MAGI1: variants seen among roughly 807,000 people sequenced by gnomAD.
The protein encoded by MAGI1 is membrane-associated guanylate kinase, WW and PDZ domain-containing protein 1.
Under a neutral mutation model 139.9 loss-of-function variants are expected in MAGI1, and 58 were observed. The ratio of observed to expected loss-of-function variants is 0.41; its 90% CI spans 0.34 to 0.52. The LOEUF is 0.52. Among genes scored for constraint, MAGI1 ranks in the 20% least tolerant of loss-of-function variants. The pLI is 0.12. For synonymous variants in MAGI1, 812 were observed against 737.9 expected (o/e 1.10, Z -1.63); for missense variants, 1,874 against 1,901.6 (o/e 0.99, Z 0.27).
At chr3:65,369,079 T>G (rs1189150934) in intron 18 of MAGI1, among the ~76,000 whole-genome samples, 1 of 152,166 alleles carries the variant, frequency 6.6e-6, no homozygotes, top group Non-Finnish European at 1.5e-5. Flanking sequence ...CATTGTGTAT[T>G]TATTCATTCA....
chr3:65,803,955 A>G (rs2040678175), intron 1 of MAGI1, among the ~76,000 whole-genome samples: 1 of 152,234 alleles, frequency 6.6e-6, no homozygotes, highest in East Asian at 1.9e-4. Context: ...AAAAATTGTA[A>G]CCAAGATTCA....
chr3:65,821,094 A>G (rs1357681126), intron 1 of MAGI1, among the ~76,000 whole-genome samples: 1 of 151,934 alleles, frequency 6.6e-6, no homozygotes, highest in Non-Finnish European at 1.5e-5. Context: ...TTGGGGGAAG[A>G]CAGGTGCATG....
At chr3:65,850,267 G>C (rs573794112) in intron 1 of MAGI1, among the ~76,000 whole-genome samples, 1 of 152,216 alleles carries the variant, frequency 6.6e-6, no homozygotes, top group South Asian at 2.1e-4. Flanking sequence ...ATACAAACTA[G>C]AATGACCAAC....
chr3:65,480,396 G>C (rs1274176544), intron 3 of MAGI1, among the ~76,000 whole-genome samples: 1 of 151,826 alleles, frequency 6.6e-6, no homozygotes, highest in East Asian at 2.0e-4. Context: ...AGCCAGGCTT[G>C]GTGGTACTCT....
intron 1 of MAGI1, among the ~76,000 whole-genome samples, chr3:65,664,870 T>C (rs113141350): frequency 0.015 from 2,300 of 152,276 alleles, 65 homozygotes; most frequent in African/African-American, 0.053. Flanking sequence ...TTTCTCTGTT[T>C]AAAATGACCT....
intron 1 of MAGI1, among the ~76,000 whole-genome samples, chr3:65,760,458 A>G (rs2036923652): frequency 6.6e-6 from 1 of 151,492 alleles, no homozygotes; most frequent in South Asian, 2.1e-4. Context: ...GCACACTCAT[A>G]GCTCACAGCA....
In MAGI1 at chr3:65,647,830, C is replaced by T. The variant is rs1188541389; in HGVS notation, c.314-25742G>A. 6.6e-5 allele frequency among the ~76,000 whole-genome samples: 10 copies of T among 152,188 alleles called. No homozygotes were observed. The South Asian group carries it at 8.3e-4, about 13-fold the overall frequency. ...CTGGTAAAGAATACCCAAAACCCTA[C>T]ATCTGACGTAATAATTCATGGTGAA... On this transcript the variant is annotated intron_variant, in intron 1 of 22. Coordinates refer to ENST00000402939, the MANE Select transcript of MAGI1 (RefSeq NM_001033057.2).
intron 1 of MAGI1, among the ~76,000 whole-genome samples, chr3:65,622,802 A>C (rs760077059): frequency 1.3e-5 from 2 of 152,220 alleles, no homozygotes; most frequent in East Asian, 3.9e-4. Context: ...CCCGGCCTCA[A>C]GTGATCCGCC....
chr3:65,680,847 C>T (rs2087546843), intron 1 of MAGI1, among the ~76,000 whole-genome samples: 1 of 151,726 alleles, frequency 6.6e-6, no homozygotes, highest in African/African-American at 2.4e-5. Flanking sequence ...ATGGGACAAC[C>T]AGGCACACAT....
rs1352464945 is a variant in MAGI1 at position 65,356,891 on chromosome 3, C to T, written c.3876G>A (p.Gly1292=). 3 of 1,614,124 alleles carry T rather than the reference C, an allele frequency of 1.9e-6. No individual in the cohort carries two copies. The East Asian group carries it at 6.7e-5, about 36-fold the overall frequency. Residue 1292 remains glycine, a synonymous_variant, in exon 23 of 23, where the codon GGG becomes GGA. Coordinates refer to ENST00000402939, the MANE Select transcript of MAGI1 (RefSeq NM_001033057.2). ...WNGTSRKPDS[G]ACRPKDRAPE... ...GCGCCCGGTCCTTGGGTCGGCATGCCCCGCTGTCGGGTTTCCTCGAAGTCC... is the reference window on the plus strand; with the variant it reads ...GCGCCCGGTCCTTGGGTCGGCATGCTCCGCTGTCGGGTTTCCTCGAAGTCC...
intron 14 of MAGI1, among the ~76,000 whole-genome samples, chr3:65,389,712 C>T (rs764231958): frequency 5.9e-5 from 9 of 152,192 alleles, no homozygotes. Flanking sequence ...TTCCTTTAGT[C>T]AGGCCTCAGG....
At chr3:65,867,018 G>A (rs1260073442) in intron 1 of MAGI1, among the ~76,000 whole-genome samples, 3 of 152,178 alleles carry the variant, frequency 2.0e-5, no homozygotes, top group African/African-American at 7.2e-5. Context: ...AGATGTCTGG[G>A]AAATCTCTCT....
At chr3:65,958,888 G>A (rs1221337413) in intron 1 of MAGI1, among the ~76,000 whole-genome samples, 1 of 152,130 alleles carries the variant, frequency 6.6e-6, no homozygotes, top group Non-Finnish European at 1.5e-5. Context: ...TGGGGAGGTT[G>A]AGGCACGAGA....
At chr3:65,403,988 T>C (rs1386389245) in intron 12 of MAGI1, among the ~76,000 whole-genome samples, 1 of 152,152 alleles carries the variant, frequency 6.6e-6, no homozygotes, top group Non-Finnish European at 1.5e-5. Context: ...AACATAATGT[T>C]CAGTAAAATG....
intron 4 of MAGI1, among the ~76,000 whole-genome samples, chr3:65,474,024 A>T (rs1575903564): frequency 6.6e-6 from 1 of 152,164 alleles, no homozygotes; most frequent in African/African-American, 2.4e-5. Context: ...CTAGCTATTT[A>T]GGAGGCTGAG....
At chr3:65,875,273 G>T (rs1320162926) in intron 1 of MAGI1, among the ~76,000 whole-genome samples, 1 of 152,174 alleles carries the variant, frequency 6.6e-6, no homozygotes, top group Non-Finnish European at 1.5e-5. Context: ...TAAAGGGTTT[G>T]TTGTTGAGAT....
At chr3:65,709,520 T>C (rs1202052130) in intron 1 of MAGI1, among the ~76,000 whole-genome samples, 3 of 152,208 alleles carry the variant, frequency 2.0e-5, no homozygotes, top group East Asian at 1.9e-4. Flanking sequence ...AAACCTCTTT[T>C]AGGAACATCA....
At chr3:65,809,974 C>CCT (rs146092715) in intron 1 of MAGI1, among the ~76,000 whole-genome samples, 31 of 149,962 alleles carry the variant, frequency 2.1e-4, no homozygotes, top group East Asian at 1.8e-3. Flanking sequence ...TCACATATAT[C>CCT]CTCTCTCTCT....
At chr3:65,638,597 A>AT (rs1173086138) in intron 1 of MAGI1, among the ~76,000 whole-genome samples, 5,238 of 40,822 alleles carry the variant, frequency 0.13, 1,450 homozygotes, top group East Asian at 0.19. Flanking sequence ...TGCTCTCCTG[A>AT]TTTTTTTTTT....
Sources: gnomAD v4.1 joint callset for allele counts (sites outside exome capture counted in the v4.1 genomes callset) on GRCh38, gnomAD v4.1.1 for gene constraint, MANE v1.5 for transcripts, NCBI Gene and HGNC (gene_info 2026-07-23, HGNC 2026-07-21) for gene names.